CSMD1: variants seen among roughly 807,000 people sequenced by gnomAD.
CSMD1 encodes CUB and sushi domain-containing protein 1.
In CSMD1, 213 loss-of-function variants were observed where a neutral mutation model predicts 417.5. The ratio of observed to expected loss-of-function variants is 0.51; its 90% CI spans 0.46 to 0.57. The LOEUF (loss-of-function observed/expected upper bound fraction) is 0.57, where lower values mean the gene tolerates loss of function less well. Ranked by LOEUF, CSMD1 falls within the 20% of genes least tolerant of loss-of-function variation. CSMD1 has a pLI of 0.00. For synonymous variants in CSMD1, 2,862 were observed against 1,736.8 expected (o/e 1.65, Z -16.11); for missense variants, 6,923 against 4,529.7 (o/e 1.53, Z -15.17).
chr8:2,961,787 T>C (rs1040786743), intron 61 of CSMD1, among the ~76,000 whole-genome samples: 2 of 152,182 alleles, frequency 1.3e-5, no homozygotes, highest in African/African-American at 2.4e-5. Flanking sequence ...ACAAAACAGA[T>C]AACTTCTTAA....
At chr8:4,778,218 T>A (rs1796968904) in intron 1 of CSMD1, among the ~76,000 whole-genome samples, 1 of 152,180 alleles carries the variant, frequency 6.6e-6, no homozygotes, top group African/African-American at 2.4e-5. Flanking sequence ...ATATTCAGAT[T>A]TGCAATTATT....
chr8:3,130,679 A>G (rs963762150), intron 41 of CSMD1, among the ~76,000 whole-genome samples: 2 of 151,714 alleles, frequency 1.3e-5, no homozygotes, highest in African/African-American at 4.8e-5. Flanking sequence ...TCTTCCTAGC[A>G]CGTGCAGCCA....
chr8:3,018,455 G>T (rs555857905), intron 52 of CSMD1, 22 bp downstream of exon 52: 1 of 1,609,002 alleles, frequency 6.2e-7, no homozygotes, highest in Admixed American at 1.7e-5. Flanking sequence ...TTAAGTAAGT[G>T]CCAGAACACA....
At chr8:4,322,948 G>C (rs1197770306) in intron 3 of CSMD1, among the ~76,000 whole-genome samples, 1 of 152,178 alleles carries the variant, frequency 6.6e-6, no homozygotes, top group Non-Finnish European at 1.5e-5. Flanking sequence ...TCGTGCCCCT[G>C]CAACCCAGCC....
At chr8:4,558,869 A>C (rs568150633) in intron 2 of CSMD1, among the ~76,000 whole-genome samples, 13 of 152,310 alleles carry the variant, frequency 8.5e-5, no homozygotes, top group African/African-American at 2.9e-4. Context: ...CTCCGTCTCA[A>C]AATAAATAAA....
intron 3 of CSMD1, among the ~76,000 whole-genome samples, chr8:4,261,443 C>A (rs761097410): frequency 1.3e-5 from 2 of 152,176 alleles, no homozygotes; most frequent in Non-Finnish European, 2.9e-5. Flanking sequence ...TCAAAGTTTA[C>A]AAACTTCCAG....
intron 10 of CSMD1, among the ~76,000 whole-genome samples, chr8:3,573,306 T>C (rs148041036): frequency 1.2e-3 from 177 of 152,298 alleles, no homozygotes; most frequent in Non-Finnish European, 2.0e-3. Flanking sequence ...TGATTGCAAG[T>C]ACTGAAAAAT....
intron 23 of CSMD1, among the ~76,000 whole-genome samples, chr8:3,315,578 T>G (rs912964374): frequency 2.0e-5 from 3 of 152,138 alleles, no homozygotes; most frequent in African/African-American, 4.8e-5. Flanking sequence ...ATTTTTCCCA[T>G]ATATTAAGTT....
intron 5 of CSMD1, among the ~76,000 whole-genome samples, chr8:3,775,329 T>G (rs2720761): frequency 0.98 from 149,798 of 152,292 alleles, 73,686 homozygotes; most frequent in East Asian, 1. Context: ...ATGCAGGCAA[T>G]GTATCCTACG....
chr8:4,147,646 C>G (rs1260546852), intron 3 of CSMD1, among the ~76,000 whole-genome samples: 1 of 152,132 alleles, frequency 6.6e-6, no homozygotes, highest in Non-Finnish European at 1.5e-5. Flanking sequence ...ATGAAGGTTA[C>G]TCTGAGTGCT....
At chr8:4,766,226 G>A (rs1017048382) in intron 1 of CSMD1, among the ~76,000 whole-genome samples, 1 of 152,174 alleles carries the variant, frequency 6.6e-6, no homozygotes, top group Non-Finnish European at 1.5e-5. Context: ...TGGTGCGTTG[G>A]CAACAAGTGG....
chr8:3,500,312 T>C (rs567721191), intron 10 of CSMD1, among the ~76,000 whole-genome samples: 44 of 152,108 alleles, frequency 2.9e-4, no homozygotes, highest in South Asian at 6.3e-4. Context: ...CATCTCGATG[T>C]CTGCTAAGCT....
At position 4,673,573 on chromosome 8, in the gene CSMD1, T is replaced by G. The variant is rs181664961; in HGVS notation, c.86-36015A>C. On this transcript the variant is annotated intron_variant, in intron 1 of 69. Coordinates refer to ENST00000635120, the MANE Select transcript of CSMD1 (RefSeq NM_033225.6). ...TAATATCTAGCACCTACTTTCTACC[T>G]TGTGCTTGGGGGAAACTCTGGGGGC... Among the ~76,000 whole-genome samples the G allele has an allele frequency of 3.0e-3, 455 of 152,254 alleles. 2 individuals are homozygous for G. Among genetic ancestry groups the G allele is most frequent in the Middle Eastern group, 0.017 (5 of 294 alleles).
At chr8:4,701,983 T>C (rs1464656697) in intron 1 of CSMD1, among the ~76,000 whole-genome samples, 2 of 152,136 alleles carry the variant, frequency 1.3e-5, no homozygotes, top group Middle Eastern at 3.2e-3. Context: ...CTGGAAGCCA[T>C]TATCCTCAGC....
At chr8:3,106,188 C>A (rs906707787) in intron 46 of CSMD1, among the ~76,000 whole-genome samples, 13 of 147,952 alleles carry the variant, frequency 8.8e-5, no homozygotes, top group African/African-American at 3.0e-4. Flanking sequence ...AAGTTCAAGA[C>A]CAGCCTGGGT....
intron 3 of CSMD1, among the ~76,000 whole-genome samples, chr8:4,313,420 C>CG (rs1437012599): frequency 6.6e-6 from 1 of 150,584 alleles, no homozygotes; most frequent in Admixed American, 6.7e-5. Context: ...AGATGCCTGA[C>CG]GGGACCCCTG....
chr8:3,862,850 C>T (rs1269427782), intron 5 of CSMD1, among the ~76,000 whole-genome samples: 2 of 152,154 alleles, frequency 1.3e-5, no homozygotes, highest in African/African-American at 4.8e-5. Flanking sequence ...GTCAAAATCT[C>T]TTGGTCATTA....
At chr8:3,475,467 T>A (rs1384551601) in intron 11 of CSMD1, among the ~76,000 whole-genome samples, 2 of 152,236 alleles carry the variant, frequency 1.3e-5, no homozygotes, top group Non-Finnish European at 2.9e-5. Context: ...TAGTGTTATG[T>A]TAGGCAGCAT....
At chr8:4,219,695 T>C (rs1206892701) in intron 3 of CSMD1, among the ~76,000 whole-genome samples, 4 of 152,312 alleles carry the variant, frequency 2.6e-5, no homozygotes, top group Non-Finnish European at 5.9e-5. Context: ...AAGTCAAGAG[T>C]TTAAATATTA....
Sources: allele counts gnomAD v4.1 joint callset (sites outside exome capture counted in the v4.1 genomes callset), GRCh38; gene constraint gnomAD v4.1.1; transcripts MANE v1.5; gene names NCBI Gene and HGNC (gene_info 2026-07-23, HGNC 2026-07-21).